The following TANC2 variants were observed in gnomAD, a reference collection of about 807,000 sequenced individuals.
TANC2 encodes tetratricopeptide repeat, ankyrin repeat and coiled-coil containing 2.
Under a neutral mutation model 210.5 loss-of-function variants are expected in TANC2, and 26 were observed. The ratio of observed to expected loss-of-function variants is 0.12; its 90% CI spans 0.09 to 0.17. The LOEUF is 0.17. Among genes scored for constraint, TANC2 ranks in the 10% least tolerant of loss-of-function variants. TANC2 has a pLI of 1.00. For missense variants in TANC2, 2,129 were observed against 2,608.9 expected (o/e 0.82, Z 4.01); for synonymous variants, 931 against 967.1 (o/e 0.96, Z 0.69).
At chr17:63,013,589 C>G (rs2033970986) in intron 2 of TANC2, among the ~76,000 whole-genome samples, 2 of 151,950 alleles carry the variant, frequency 1.3e-5, no homozygotes, top group African/African-American at 4.8e-5. Flanking sequence ...TGGCGAAATC[C>G]AGTCTCTATT....
chr17:63,410,641 C>T (rs2048665578), intron 21 of TANC2, among the ~76,000 whole-genome samples: 1 of 151,918 alleles, frequency 6.6e-6, no homozygotes, highest in Non-Finnish European at 1.5e-5. Context: ...GCAGGTGGAT[C>T]ACTTGAGGTC....
intron 4 of TANC2, among the ~76,000 whole-genome samples, chr17:63,135,858 A>G (rs1445113224): frequency 6.6e-6 from 1 of 152,186 alleles, no homozygotes; most frequent in Non-Finnish European, 1.5e-5. Context: ...TACTCTTTAG[A>G]TATACGGAAA....
chr17:63,273,305 T>G (rs1441927638), intron 9 of TANC2, among the ~76,000 whole-genome samples: 1 of 152,032 alleles, frequency 6.6e-6, no homozygotes, highest in Admixed American at 6.6e-5. Context: ...TTTTAAAAAA[T>G]TATTGAGCTT....
At chr17:63,280,364 A>G (rs2044023213) in intron 9 of TANC2, among the ~76,000 whole-genome samples, 1 of 152,106 alleles carries the variant, frequency 6.6e-6, no homozygotes, top group South Asian at 2.1e-4. Flanking sequence ...GTAAAAAAGT[A>G]AAACCTAGTT....
At chr17:63,282,209 C>G (rs1034174047) in intron 9 of TANC2, among the ~76,000 whole-genome samples, 31 of 151,822 alleles carry the variant, frequency 2.0e-4, no homozygotes, top group Admixed American at 1.5e-3. Context: ...TTATGAACCC[C>G]ATAAATAAAA....
chr17:63,279,556 G>A (rs2043997663), intron 9 of TANC2, among the ~76,000 whole-genome samples: 1 of 152,038 alleles, frequency 6.6e-6, no homozygotes, highest in Non-Finnish European at 1.5e-5. Flanking sequence ...TATAGAGAGT[G>A]TAGCTGATCT....
chr17:63,362,926 G>C (rs2047008217), intron 14 of TANC2, among the ~76,000 whole-genome samples: 1 of 151,926 alleles, frequency 6.6e-6, no homozygotes, highest in South Asian at 2.1e-4. Context: ...TCTATTTATA[G>C]TTTTTTTTAG....
exon 28 of TANC2, chr17:63,425,998 CTT>C (rs2049133879): frequency 1.3e-5 from 2 of 152,234 alleles, no homozygotes; most frequent in African/African-American, 4.8e-5. Flanking sequence ...CTCACTGAAT[CTT>C]TGCCACAAAA....
At chr17:63,233,124 A>G (rs1457430200) in intron 7 of TANC2, among the ~76,000 whole-genome samples, 1 of 152,214 alleles carries the variant, frequency 6.6e-6, no homozygotes, top group East Asian at 1.9e-4. Flanking sequence ...GAAAAACAGC[A>G]GACTGGAGCT....
chr17:63,302,365 A>G (rs929166632), intron 9 of TANC2, among the ~76,000 whole-genome samples: 13 of 152,048 alleles, frequency 8.5e-5, no homozygotes, highest in African/African-American at 2.9e-4. Flanking sequence ...TCTGTCTAAT[A>G]TTGACAATGG....
At chr17:63,305,933 G>A (rs902507370) in intron 9 of TANC2, among the ~76,000 whole-genome samples, 6 of 152,320 alleles carry the variant, frequency 3.9e-5, no homozygotes, top group African/African-American at 1.4e-4. Context: ...CAGGGTGTGA[G>A]GCGTGGACAG....
chr17:63,244,574 G>A (rs1416511751), intron 8 of TANC2, among the ~76,000 whole-genome samples: 3 of 152,204 alleles, frequency 2.0e-5, no homozygotes, highest in Non-Finnish European at 2.9e-5. Flanking sequence ...TCTTGTTTGT[G>A]CTGTTATCAT....
intron 11 of TANC2, chr17:63,320,366 A>G (rs534622298): frequency 1.3e-5 from 2 of 152,178 alleles, no homozygotes; most frequent in South Asian, 4.2e-4. Context: ...GACCTAGGAC[A>G]CTCTGAAGGC....
At chr17:62,984,428 A>G (rs543074247) in intron 1 of TANC2, among the ~76,000 whole-genome samples, 1 of 151,400 alleles carries the variant, frequency 6.6e-6, no homozygotes, top group Admixed American at 6.6e-5. Flanking sequence ...TGTCTCATTG[A>G]TCTTTAGTAT....
intron 17 of TANC2, among the ~76,000 whole-genome samples, chr17:63,393,942 T>G (rs945921870): frequency 1.3e-4 from 20 of 151,956 alleles, no homozygotes; most frequent in Non-Finnish European, 2.4e-4. Context: ...AGCTAATTTT[T>G]GTATTTTTTA....
chr17:63,229,653 A>T (rs1267608921), intron 7 of TANC2, among the ~76,000 whole-genome samples: 1 of 151,842 alleles, frequency 6.6e-6, no homozygotes, highest in South Asian at 2.1e-4. Flanking sequence ...CAGGGATTCA[A>T]CATCTTCCTG....
chr17:63,337,810 C>T (rs1187963916), intron 11 of TANC2, among the ~76,000 whole-genome samples: 3 of 152,156 alleles, frequency 2.0e-5, no homozygotes, highest in African/African-American at 4.8e-5. Context: ...TGTTGTTTCC[C>T]TCTACATGCC....
chr17:63,031,389 G>GA (rs1240890130), intron 2 of TANC2, among the ~76,000 whole-genome samples: 1 of 151,992 alleles, frequency 6.6e-6, no homozygotes, highest in African/African-American at 2.4e-5. Context: ...GAATATTGAA[G>GA]AAAAAATGAT....
intron 2 of TANC2, among the ~76,000 whole-genome samples, chr17:63,067,368 C>T (rs761535841): frequency 2.6e-5 from 4 of 152,016 alleles, no homozygotes; most frequent in Admixed American, 2.6e-4. Context: ...ATGAAGGAAA[C>T]CTTTTATTGT....
Sources: gnomAD v4.1 joint callset for allele counts (sites outside exome capture counted in the v4.1 genomes callset) on GRCh38, gnomAD v4.1.1 for gene constraint, MANE v1.5 for transcripts, NCBI Gene and HGNC (gene_info 2026-07-23, HGNC 2026-07-21) for gene names.